THAP4: variants seen among roughly 807,000 people sequenced by gnomAD.
The protein encoded by THAP4 is peroxynitrite isomerase THAP4.
A neutral mutation model predicts 48.1 loss-of-function variants in THAP4; 18 were observed. That is an observed-to-expected ratio of 0.37 (90% CI 0.26 to 0.56). The LOEUF (loss-of-function observed/expected upper bound fraction) is 0.56. THAP4 is among the 20% of genes least tolerant of loss of function. The probability of loss-of-function intolerance (pLI) is 0.78; values close to 1 mark genes in which losing one functional copy is unlikely to be tolerated. For missense variants in THAP4, 656 were observed against 774.9 expected, an observed-to-expected ratio of 0.85 and a Z score of 1.82; for synonymous variants, 345 against 324.9, an observed-to-expected ratio of 1.06 and a Z score of -0.66.
intron 2 of THAP4, among the ~76,000 whole-genome samples, chr2:241,631,491 A>T (rs1043535494): frequency 6.6e-6 from 1 of 152,228 alleles, no homozygotes. Flanking sequence ...TTTTTGAGAC[A>T]GGGTCTCACT....
At chr2:241,590,262 T>C (rs62192974) in intron 5 of THAP4, among the ~76,000 whole-genome samples, 10 of 136,380 alleles carry the variant, frequency 7.3e-5, no homozygotes, top group East Asian at 2.4e-4. Context: ...GCTCGGCTGA[T>C]GATAATGGGC....
chr2:241,628,666 A>AT (rs71406475), intron 2 of THAP4, among the ~76,000 whole-genome samples: 38 of 142,782 alleles, frequency 2.7e-4, no homozygotes, highest in East Asian at 8.2e-4. Context: ...CTGGAATAGG[A>AT]TTTTTTTTTT....
chr2:241,614,222 A>C (rs1456986252), intron 2 of THAP4, among the ~76,000 whole-genome samples: 1 of 152,188 alleles, frequency 6.6e-6, no homozygotes, highest in Non-Finnish European at 1.5e-5. Flanking sequence ...TTTTGCTGTA[A>C]ATGAGAGATG....
intron 5 of THAP4, among the ~76,000 whole-genome samples, chr2:241,591,138 T>A (rs80279598): frequency 0.014 from 379 of 26,224 alleles, no homozygotes; most frequent in South Asian, 0.028. Context: ...ACTAGGACAC[T>A]CAGAACTGCC....
chr2:241,586,010 C>T (rs1456118568), intron 5 of THAP4, among the ~76,000 whole-genome samples: 2 of 150,816 alleles, frequency 1.3e-5, no homozygotes, highest in African/African-American at 4.9e-5. Context: ...AATCCCAGCA[C>T]TTTGGGAGGC....
At chr2:241,600,717 G>T (rs895336045) in intron 5 of THAP4, among the ~76,000 whole-genome samples, 1 of 129,316 alleles carries the variant, frequency 7.7e-6, no homozygotes, top group African/African-American at 3.0e-5. Flanking sequence ...GACAGAGTGA[G>T]ACTCCGTCTC....
intron 1 of THAP4, 137 bp from the exon 2 acceptor site, chr2:241,634,216 A>C: frequency 1.6e-6 from 1 of 625,304 alleles, no homozygotes; most frequent in Non-Finnish European, 2.6e-6. Context: ...AAATACTTCA[A>C]AAAGATTTAA....
chr2:241,585,877 C>A (rs2066887283), intron 5 of THAP4, among the ~76,000 whole-genome samples: 1 of 128,030 alleles, frequency 7.8e-6, no homozygotes, highest in Non-Finnish European at 1.6e-5. Flanking sequence ...CATGCCACTG[C>A]ACTTCAGCCT....
intron 2 of THAP4, among the ~76,000 whole-genome samples, chr2:241,627,317 G>A (rs1469136371): frequency 6.6e-6 from 1 of 152,230 alleles, no homozygotes; most frequent in African/African-American, 2.4e-5. Flanking sequence ...TTTGAAGCAA[G>A]TGTTAAATTG....
intron 2 of THAP4, among the ~76,000 whole-genome samples, chr2:241,614,552 G>A (rs1048121039): frequency 3.9e-5 from 6 of 152,110 alleles, no homozygotes; most frequent in African/African-American, 1.4e-4. Flanking sequence ...TAATTAATAA[G>A]GTAGTTCTGA....
At chr2:241,588,566 G>A (rs1014809740) in intron 5 of THAP4, among the ~76,000 whole-genome samples, 3 of 152,228 alleles carry the variant, frequency 2.0e-5, no homozygotes, top group African/African-American at 7.2e-5. Flanking sequence ...CATGGTAACA[G>A]TATAAAGACC....
rs1348980282 is a variant in THAP4 at position 241,625,808 on chromosome 2, A to AG, written c.1240+7108_1240+7109insC. Among the ~76,000 whole-genome samples, 16 of 147,274 alleles carry AG rather than the reference A, an allele frequency of 1.1e-4. 1 individual carries two copies. The highest frequency in any genetic ancestry group is 1.0e-3 in the Admixed American group (15 of 14,752). On this transcript the variant is annotated intron_variant, in intron 2 of 5. Coordinates refer to ENST00000407315, the MANE Select transcript of THAP4 (RefSeq NM_015963.6). Reference sequence around the variant, plus strand: ...GCAAGACTCCGTCTCAAAAAAAAAAAAAAAAAAAAAAAAAAAGAAAAAAGA... The same window carrying AG: ...GCAAGACTCCGTCTCAAAAAAAAAAAGAAAAAAAAAAAAAAAAGAAAAAAGA...
chr2:241,614,724 A>G (rs192917813), intron 2 of THAP4, among the ~76,000 whole-genome samples: 2 of 152,218 alleles, frequency 1.3e-5, no homozygotes, highest in Non-Finnish European at 2.9e-5. Flanking sequence ...CGTCTCTACT[A>G]AAAACACACA....
In THAP4 at chr2:241,633,809, C is replaced by T. The variant is rs145379681; in HGVS notation, c.348G>A (p.Ser116=). The T allele has an allele frequency of 1.3e-4, 206 of 1,613,720 alleles. No homozygotes were observed. Among genetic ancestry groups the T allele is most frequent in the South Asian group, 7.6e-4 (69 of 91,074 alleles). Residue 116 remains serine (S), a synonymous_variant, in exon 2 of 6, where the codon TCG becomes TCA. Coordinates refer to ENST00000407315, the MANE Select transcript of THAP4 (RefSeq NM_015963.6). This position sits in a 1 kb window ranked among gnomAD's most constrained non-coding sequence, Gnocchi z 7.5. ...SKATGGVRGH[S]SAATSRGAAG... is the part of the protein sequence containing the mutation. Reference sequence around the variant, plus strand: ...CAGCTCCTCTGCTGGTGGCGGCACTCGAGTGTCCCCTCACACCCCCTGTGG... The same window carrying T: ...CAGCTCCTCTGCTGGTGGCGGCACTTGAGTGTCCCCTCACACCCCCTGTGG...
At position 241,629,581 on chromosome 2, in the gene THAP4, T is replaced by C. The variant is rs543923676; in HGVS notation, c.1240+3336A>G. Among the ~76,000 whole-genome samples the C allele has an allele frequency of 2.0e-4, 31 of 152,082 alleles. No homozygotes were observed. In the South Asian group the frequency reaches 4.8e-3, roughly 23 times the overall value. ...AAAGGTAGGCCCGAATTCCCACTTA[T>C]CAGTAATCACAATTGTAAATGACTA... is the stretch of plus-strand genomic sequence containing the variant. On this transcript the variant is annotated intron_variant, in intron 2 of 5. Coordinates refer to ENST00000407315, the MANE Select transcript of THAP4 (RefSeq NM_015963.6).
intron 2 of THAP4, among the ~76,000 whole-genome samples, chr2:241,613,771 CAAAACAAAAAA>C (rs1461092819): frequency 6.6e-6 from 1 of 151,626 alleles, no homozygotes; most frequent in Non-Finnish European, 1.5e-5. Context: ...AAAACAAAAA[CAAAACAAAAAA>C]AAGTAAAACA....
rs528188921 is a variant in THAP4, at chr2:241,610,823, GACAGAGAC to G, written c.1241-4358_1241-4351del. Among the ~76,000 whole-genome samples, 412 of 152,028 alleles carry G rather than the reference GACAGAGAC, an allele frequency of 2.7e-3. 3 individuals are homozygous for G. Among genetic ancestry groups the G allele is most frequent in the African/African-American group, 7.4e-3 (308 of 41,424 alleles). The stretch of plus-strand genomic sequence containing the variant: ...CAGGGACAGCGAGAGACGGGACGGG[GACAGAGAC>G]ACAGAGACAGAGAGACAGGGCCAGA... On this transcript the variant is annotated intron_variant, in intron 2 of 5. Transcript: ENST00000407315. This position sits in a 1 kb window ranked among gnomAD's most constrained non-coding sequence, Gnocchi z 4.2.
At chr2:241,609,520 ACTGAAC>A (rs1206569688) in intron 2 of THAP4, among the ~76,000 whole-genome samples, 2 of 152,180 alleles carry the variant, frequency 1.3e-5, no homozygotes, top group African/African-American at 4.8e-5. Flanking sequence ...GCAATGGCTC[ACTGAAC>A]CTGTAATCCC....
At chr2:241,627,693 C>A (rs1043011600) in intron 2 of THAP4, among the ~76,000 whole-genome samples, 1 of 152,232 alleles carries the variant, frequency 6.6e-6, no homozygotes, top group South Asian at 2.1e-4. Flanking sequence ...CAAATCCACA[C>A]GGACAGCAAG....
Sources: allele counts gnomAD v4.1 joint callset (sites outside exome capture counted in the v4.1 genomes callset), GRCh38; gene constraint gnomAD v4.1.1; non-coding constraint Gnocchi (gnomAD v3.1); transcripts MANE v1.5; gene names NCBI Gene and HGNC (gene_info 2026-07-23, HGNC 2026-07-21).